Variants in NFIB observed in about 807,000 individuals in gnomAD.
The protein encoded by NFIB is nuclear factor 1 B-type.
In NFIB, 11 loss-of-function variants were observed where a neutral mutation model predicts 61.5. The ratio of observed to expected loss-of-function variants is 0.18; its 90% CI spans 0.11 to 0.30. The LOEUF is 0.30. Ranked by LOEUF, NFIB falls within the 10% of genes least tolerant of loss-of-function variation. The pLI is 1.00. For missense variants in NFIB, 471 were observed against 608.9 expected, an observed-to-expected ratio of 0.77 and a Z score of 2.38; for synonymous variants, 260 against 216.5, an observed-to-expected ratio of 1.20 and a Z score of -1.76.
At position 14,094,790 on chromosome 9, in the gene NFIB, C is replaced by A. The variant is rs755384266; in HGVS notation, c.1468-6464G>T. ...GTTTCTTAACTAAGTAGGTAAATAG[C>A]CTTCTTTATTGCTACTCCTTGGGGA... On this transcript the variant is annotated intron_variant, in intron 10 of 10. Coordinates refer to ENST00000380953, the MANE Select transcript of NFIB (RefSeq NM_001190737.2). Among the ~76,000 whole-genome samples, 150 of 152,148 alleles carry A rather than the reference C, an allele frequency of 9.9e-4. 1 individual carries two copies. Among genetic ancestry groups the A allele is most frequent in the Middle Eastern group, 3.4e-3 (1 of 292 alleles).
chr9:14,440,553 AAGCGGG>A, the NFIB span, among the ~76,000 whole-genome samples: 2 of 152,204 alleles, frequency 1.3e-5, no homozygotes, highest in African/African-American at 4.8e-5. Context: ...CTCCTGATTA[AAGCGGG>A]GCTATGAAAT....
chr9:14,347,604 G>T (rs1294160855), intron 1 of NFIB, among the ~76,000 whole-genome samples: 1 of 152,160 alleles, frequency 6.6e-6, no homozygotes, highest in Non-Finnish European at 1.5e-5. Flanking sequence ...AAGGGAGAAG[G>T]GAAGGAGTGG....
intron 1 of NFIB, among the ~76,000 whole-genome samples, chr9:14,378,649 C>A (rs956883520): frequency 6.6e-6 from 1 of 152,220 alleles, no homozygotes; most frequent in African/African-American, 2.4e-5. Context: ...GCCACCACAC[C>A]CAGCCCCAAT....
At chr9:14,204,893 A>G in intron 2 of NFIB, 1 of 363,522 alleles carries the variant, frequency 2.8e-6, no homozygotes, top group Non-Finnish European at 5.2e-6. Context: ...GGCTTTGGTT[A>G]AGCTGGTGGT....
At chr9:14,451,904 C>T in the NFIB span, among the ~76,000 whole-genome samples, 1 of 151,332 alleles carries the variant, frequency 6.6e-6, no homozygotes, top group Admixed American at 6.6e-5. Context: ...CTGAACCTGT[C>T]GTCCTGTTTT....
At chr9:14,501,651 C>T in the NFIB span, among the ~76,000 whole-genome samples, 2 of 147,202 alleles carry the variant, frequency 1.4e-5, no homozygotes, top group East Asian at 4.1e-4. Context: ...AGGGCCCCCT[C>T]ATTCTACACA....
At chr9:14,407,670 C>A in the NFIB span, among the ~76,000 whole-genome samples, 3 of 152,052 alleles carry the variant, frequency 2.0e-5, no homozygotes, top group African/African-American at 7.2e-5. Context: ...AGTTTGTCTG[C>A]ACCAAAAAAA....
At chr9:14,395,662 G>A (rs188779742) in intron 1 of NFIB, among the ~76,000 whole-genome samples, 45 of 146,402 alleles carry the variant, frequency 3.1e-4, no homozygotes, top group Non-Finnish European at 3.4e-4. Flanking sequence ...GCCTTGCCAC[G>A]CTAATTTTAC....
chr9:14,166,651 C>G (rs2044825506), intron 3 of NFIB, among the ~76,000 whole-genome samples: 1 of 152,178 alleles, frequency 6.6e-6, no homozygotes, highest in Non-Finnish European at 1.5e-5. Flanking sequence ...GATCCTACAT[C>G]CTCCAATTTC....
intron 6 of NFIB, among the ~76,000 whole-genome samples, chr9:14,135,630 G>A (rs1253783165): frequency 6.6e-6 from 1 of 152,032 alleles, no homozygotes; most frequent in Non-Finnish European, 1.5e-5. Context: ...GATGCCAGAT[G>A]ATTCAAAAAA....
At chr9:14,113,180 C>CAAA in intron 9 of NFIB, 99 bp from the exon 10 acceptor site, 2 of 729,090 alleles carry the variant, frequency 2.7e-6, no homozygotes, top group Non-Finnish European at 3.9e-6. Flanking sequence ...GATTTGCAAC[C>CAAA]AAAAAAAAAA....
intron 2 of NFIB, among the ~76,000 whole-genome samples, chr9:14,242,471 A>G (rs533931774): frequency 6.6e-6 from 1 of 152,314 alleles, no homozygotes; most frequent in Admixed American, 6.5e-5. Flanking sequence ...CCCTTGTTCT[A>G]TACATCAGAG....
rs553976549 is a variant in NFIB at position 14,278,130 on chromosome 9, GTCTT to G, written c.562+28855_562+28858del. On this transcript the variant is annotated intron_variant, in intron 2 of 10. Transcript: ENST00000380953. ...TCACAACCATCCTGATGACCAGTATGTCTTTCTAATTAGAATCAATGCAGTAATC... is the reference window on the plus strand; with the variant it reads ...TCACAACCATCCTGATGACCAGTATGTCTAATTAGAATCAATGCAGTAATC... Among the ~76,000 whole-genome samples, 361 of 152,282 alleles carry G rather than the reference GTCTT, an allele frequency of 2.4e-3. 2 individuals carry two copies. Among genetic ancestry groups the G allele is most frequent in the Non-Finnish European group, 4.4e-3 (298 of 68,028 alleles).
At chr9:14,289,241 C>T (rs1301364472) in intron 2 of NFIB, among the ~76,000 whole-genome samples, 1 of 138,926 alleles carries the variant, frequency 7.2e-6, no homozygotes, top group Non-Finnish European at 1.6e-5. Flanking sequence ...TATATATATG[C>T]ATACACATAC....
chr9:14,240,504 A>C (rs914102797), intron 2 of NFIB, among the ~76,000 whole-genome samples: 1 of 152,370 alleles, frequency 6.6e-6, no homozygotes, highest in African/African-American at 2.4e-5. Context: ...GCAAAGAAGA[A>C]GCAACACAAG....
chr9:14,515,384 C>T, the NFIB span, among the ~76,000 whole-genome samples: 1 of 152,128 alleles, frequency 6.6e-6, no homozygotes, highest in Non-Finnish European at 1.5e-5. Flanking sequence ...CACAACAAAC[C>T]TGTAAAATAG....
chr9:14,470,883 G>A, the NFIB span, among the ~76,000 whole-genome samples: 1 of 152,092 alleles, frequency 6.6e-6, no homozygotes, highest in Admixed American at 6.6e-5. Flanking sequence ...CATCTGTCAA[G>A]GCAATGGGAT....
the NFIB span, among the ~76,000 whole-genome samples, chr9:14,504,152 TTTCTGATTCCTCTA>T: frequency 6.6e-6 from 1 of 152,226 alleles, no homozygotes; most frequent in Admixed American, 6.5e-5. Flanking sequence ...CTTGGCTTTA[TTTCTGATTCCTCTA>T]TTCTGTTCCG....
the NFIB span, among the ~76,000 whole-genome samples, chr9:14,454,012 T>A: frequency 2.6e-5 from 4 of 151,908 alleles, no homozygotes; most frequent in Admixed American, 2.6e-4. Flanking sequence ...CGGGAGGCAA[T>A]GAGCCGAGAT....
Sources: allele counts gnomAD v4.1 joint callset (sites outside exome capture counted in the v4.1 genomes callset), GRCh38; gene constraint gnomAD v4.1.1; transcripts MANE v1.5; gene names NCBI Gene and HGNC (gene_info 2026-07-23, HGNC 2026-07-21).